Variants in AMBRA1 observed in about 807,000 individuals in gnomAD.
The protein encoded by AMBRA1 is activating molecule in BECN1-regulated autophagy protein 1.
Under a neutral mutation model 125.4 loss-of-function variants are expected in AMBRA1, and 47 were observed. That is an observed-to-expected ratio of 0.37 (90% CI 0.30 to 0.48). The LOEUF is 0.48. Among genes scored for constraint, AMBRA1 ranks in the 20% least tolerant of loss-of-function variants. AMBRA1 has a pLI of 0.99. For synonymous variants in AMBRA1, 626 were observed against 655.5 expected, an observed-to-expected ratio of 0.95 and a Z score of 0.69; for missense variants, 1,331 against 1,693.4, an observed-to-expected ratio of 0.79 and a Z score of 3.76.
intron 11 of AMBRA1, among the ~76,000 whole-genome samples, chr11:46,449,986 T>G (rs892682431): frequency 2.7e-5 from 4 of 149,502 alleles, no homozygotes; most frequent in Non-Finnish European, 5.9e-5. Context: ...TTGAACACAG[T>G]AGGTGGAGCT....
chr11:46,583,677 A>AAAAAAAAAAAAC (rs1565324615), intron 1 of AMBRA1, among the ~76,000 whole-genome samples: 10 of 143,902 alleles, frequency 6.9e-5, no homozygotes, highest in African/African-American at 2.4e-4. Context: ...AAAAAAAAAA[A>AAAAAAAAAAAAC]AACAACAAAA....
intron 1 of AMBRA1, among the ~76,000 whole-genome samples, chr11:46,553,754 A>C (rs1031638640): frequency 4.6e-5 from 7 of 151,854 alleles, no homozygotes; most frequent in East Asian, 1.9e-4. Flanking sequence ...CAAAAAAAAA[A>C]CACAAAAACA....
At chr11:46,579,790 A>G (rs1461110065) in intron 1 of AMBRA1, among the ~76,000 whole-genome samples, 2 of 152,098 alleles carry the variant, frequency 1.3e-5, no homozygotes, top group African/African-American at 4.8e-5. Context: ...TCAGCTCACT[A>G]TATCCCCCGC....
rs1185253135 is a variant in AMBRA1, at chr11:46,542,817, A to G, written c.1200T>C (p.Ser400=). Reference sequence around the variant, plus strand: ...CTCGGTGATACCTAGAAGGGTGGCTAGACAGAGGCCCTCCCAAAGAGCGGC... The same window carrying G: ...CTCGGTGATACCTAGAAGGGTGGCTGGACAGAGGCCCTCCCAAAGAGCGGC... ...PTRRSLGGPL[S]SHPSRYHREI... The change falls in exon 7 of 18, where the codon TCT becomes TCC. Residue 400 remains serine (S), a synonymous_variant. Coordinates refer to ENST00000683756, the MANE Select transcript of AMBRA1 (RefSeq NM_001387011.1). This position sits in a 1 kb window ranked among gnomAD's most constrained non-coding sequence, Gnocchi z 5.9. 1 of 1,614,100 alleles carries G rather than the reference A, an allele frequency of 6.2e-7. No homozygotes were observed. Among genetic ancestry groups the G allele is most frequent in the South Asian group, 1.1e-5 (1 of 91,072 alleles).
intron 8 of AMBRA1, 83 bp downstream of exon 8, chr11:46,512,644 C>T (rs1951308042): frequency 9.3e-7 from 1 of 1,073,358 alleles, no homozygotes; most frequent in African/African-American, 1.6e-5. Context: ...ACCAGAGAGG[C>T]ACAGAACGGA....
intron 17 of AMBRA1, among the ~76,000 whole-genome samples, chr11:46,401,272 GCT>G (rs1945745577): frequency 6.6e-6 from 1 of 151,746 alleles, no homozygotes; most frequent in Admixed American, 6.6e-5. Context: ...ACAGAGTCTC[GCT>G]CTGTCGCCCA....
intron 1 of AMBRA1, among the ~76,000 whole-genome samples, chr11:46,567,575 G>A (rs916273581): frequency 1.5e-4 from 22 of 151,644 alleles, no homozygotes; most frequent in South Asian, 4.2e-4. Context: ...TGGCCAAGCC[G>A]GTCTCGAACT....
chr11:46,442,887 A>G (rs895806702), intron 12 of AMBRA1, among the ~76,000 whole-genome samples: 1 of 152,140 alleles, frequency 6.6e-6, no homozygotes, highest in African/African-American at 2.4e-5. Flanking sequence ...ATGCCTAGCT[A>G]GTTTTTGTAT....
intron 15 of AMBRA1, among the ~76,000 whole-genome samples, chr11:46,417,653 G>A: frequency 6.6e-6 from 1 of 152,078 alleles, no homozygotes; most frequent in East Asian, 1.9e-4. Context: ...CAGAGAACAA[G>A]GGAAAACAAA....
intron 7 of AMBRA1, among the ~76,000 whole-genome samples, chr11:46,533,327 T>C (rs1248607208): frequency 6.6e-6 from 1 of 152,254 alleles, no homozygotes; most frequent in Non-Finnish European, 1.5e-5. Context: ...ATTTCTGTAA[T>C]GTTTGATTTT....
At chr11:46,500,138 C>T (rs1351827255) in intron 9 of AMBRA1, among the ~76,000 whole-genome samples, 6 of 152,166 alleles carry the variant, frequency 3.9e-5, no homozygotes, top group Admixed American at 6.5e-5. Flanking sequence ...AGGACTATTC[C>T]GTAGACAATA....
intron 12 of AMBRA1, among the ~76,000 whole-genome samples, chr11:46,440,279 G>T (rs1947939602): frequency 6.6e-6 from 1 of 152,144 alleles, no homozygotes; most frequent in Non-Finnish European, 1.5e-5. Context: ...ATACTGACAT[G>T]AAAAGAACAC....
At chr11:46,500,260 G>A (rs1249663984) in intron 9 of AMBRA1, among the ~76,000 whole-genome samples, 3 of 152,184 alleles carry the variant, frequency 2.0e-5, no homozygotes, top group African/African-American at 7.2e-5. Flanking sequence ...ACTGGATCCA[G>A]TAAGAGTAAA....
intron 11 of AMBRA1, among the ~76,000 whole-genome samples, chr11:46,454,570 C>T (rs1273667332): frequency 3.4e-5 from 4 of 117,190 alleles, no homozygotes; most frequent in African/African-American, 1.5e-4. Context: ...CCCATCTCCA[C>T]TAAAAATACA....
chr11:46,494,071 A>G, intron 10 of AMBRA1, 53 bp downstream of exon 10: 5 of 1,501,930 alleles, frequency 3.3e-6, no homozygotes, highest in Non-Finnish European at 4.6e-6. Context: ...GTTTAAAACT[A>G]AATCCTAGGC....
chr11:46,441,144 T>C (rs1590814349), intron 12 of AMBRA1, among the ~76,000 whole-genome samples: 1 of 152,092 alleles, frequency 6.6e-6, no homozygotes, highest in South Asian at 2.1e-4. Flanking sequence ...AAATAGATGA[T>C]GAGAGGCAGG....
chr11:46,585,449 C>T (rs542909187), intron 1 of AMBRA1, among the ~76,000 whole-genome samples: 101 of 149,540 alleles, frequency 6.8e-4, no homozygotes, highest in African/African-American at 2.2e-3. Context: ...AGGTGGACCA[C>T]GAGGTCAGGA....
At position 46,429,826 on chromosome 11, in the gene AMBRA1, G is replaced by C. The variant is rs943190086; in HGVS notation, c.2976+3648C>G. On this transcript the variant is annotated intron_variant, in intron 14 of 17. Coordinates refer to ENST00000683756, the MANE Select transcript of AMBRA1 (RefSeq NM_001387011.1). ...GGCAGTTTAGTGTTTTGAGAATTCA[G>C]CAAAACTTCAGCTCAGCAGTCTCTA... Among the ~76,000 whole-genome samples, 4 of 152,028 alleles carry C rather than the reference G, an allele frequency of 2.6e-5. No individual in the cohort carries two copies. The East Asian group carries it at 7.7e-4, about 29-fold the overall frequency.
intron 8 of AMBRA1, among the ~76,000 whole-genome samples, chr11:46,511,050 G>A (rs1403329062): frequency 3.3e-5 from 5 of 152,174 alleles, no homozygotes; most frequent in Non-Finnish European, 5.9e-5. Context: ...CACTTTCCGT[G>A]ATAAAGATCA....
Sources: allele counts gnomAD v4.1 joint callset (sites outside exome capture counted in the v4.1 genomes callset), GRCh38; gene constraint gnomAD v4.1.1; non-coding constraint Gnocchi (gnomAD v3.1); transcripts MANE v1.5; gene names NCBI Gene and HGNC (gene_info 2026-07-23, HGNC 2026-07-21).